Variants in SCARB2 observed in about 807,000 individuals in gnomAD.
The protein encoded by SCARB2 is lysosome membrane protein 2.
A neutral mutation model predicts 58.6 loss-of-function variants in SCARB2; 29 were observed. The observed-to-expected ratio is 0.49, with a 90% CI of 0.37 to 0.67. The LOEUF (loss-of-function observed/expected upper bound fraction) is 0.67, where lower values mean the gene tolerates loss of function less well. SCARB2 is among the 30% of genes least tolerant of loss of function. SCARB2 has a pLI of 0.00. For synonymous variants in SCARB2, 195 were observed against 210.1 expected, an observed-to-expected ratio of 0.93 and a Z score of 0.62; for missense variants, 488 against 578.5, an observed-to-expected ratio of 0.84 and a Z score of 1.60.
rs1361016454 is a variant in SCARB2, at chr4:76,159,894, CA to C, written c.*1818del. 1 of 152,160 alleles carries C rather than the reference CA, an allele frequency of 6.6e-6. No individual in the cohort carries two copies. Among genetic ancestry groups the C allele is most frequent in the Non-Finnish European group, 1.5e-5 (1 of 68,028 alleles). The allele number at this position is 152,160 out of a possible 1,614,324, so 9.4% of individuals were successfully genotyped here. A position where few individuals can be genotyped will look rare whatever the true frequency, so the allele number is the denominator to read the frequency against. On this transcript the variant is annotated 3_prime_UTR_variant, in exon 12 of 12. Coordinates refer to ENST00000264896, the MANE Select transcript of SCARB2 (RefSeq NM_005506.4). ...GACTAAACCAATAAGTATGCACTAG[CA>C]TTGTCAATTTTATTAGTATGGATAA...
intron 4 of SCARB2, 97 bp downstream of exon 4, chr4:76,179,420 G>T: frequency 2.2e-6 from 2 of 909,146 alleles, no homozygotes; most frequent in Non-Finnish European, 3.6e-6. Context: ...CTTAACTCTA[G>T]GCAATTTCTA....
chr4:76,173,625 A>G (rs1221485854), intron 7 of SCARB2: 1 of 164,042 alleles, frequency 6.1e-6, no homozygotes, highest in African/African-American at 2.4e-5. Context: ...AGCATGAGCC[A>G]CCGTGCCCAG....
At chr4:76,234,506 C>G (rs1733550311) in exon 1 of SCARB2, 1 of 152,264 alleles carries the variant, frequency 6.6e-6, no homozygotes, top group Admixed American at 6.5e-5. Flanking sequence ...TAGAATGCTT[C>G]CTGCTTTACG....
At chr4:76,231,069 C>T (rs1733485034) in intron 1 of SCARB2, among the ~76,000 whole-genome samples, 1 of 151,880 alleles carries the variant, frequency 6.6e-6, no homozygotes, top group Non-Finnish European at 1.5e-5. Flanking sequence ...CATGGACTCC[C>T]TATCATAAGC....
chr4:76,188,592 T>C (rs1391541088), intron 2 of SCARB2, among the ~76,000 whole-genome samples: 1 of 152,194 alleles, frequency 6.6e-6, no homozygotes, highest in Admixed American at 6.5e-5. Context: ...TGCCCTCCCC[T>C]TCCTTTGCCC....
intron 1 of SCARB2, among the ~76,000 whole-genome samples, chr4:76,229,980 G>A (rs1342773528): frequency 1.3e-5 from 2 of 152,160 alleles, no homozygotes; most frequent in Non-Finnish European, 2.9e-5. Flanking sequence ...CCAGGAGGTG[G>A]TGCTTTCAAG....
rs549188324 is a variant in SCARB2 at position 76,213,675 on chromosome 4, G to C, written c.-132C>G. On this transcript the variant is annotated 5_prime_UTR_variant, in exon 1 of 12. Transcript: ENST00000264896. Reference sequence around the variant, plus strand: ...CACGCCCACGCCCTCCCGGCGCACGGTTCGTGCGCGCAGCTCTGGGCTCCG... The same window carrying C: ...CACGCCCACGCCCTCCCGGCGCACGCTTCGTGCGCGCAGCTCTGGGCTCCG... 2.4e-4 allele frequency: 169 copies of C among 697,956 alleles called. No homozygotes were observed. Among genetic ancestry groups the C allele is most frequent in the African/African-American group, 1.1e-3 (60 of 55,850 alleles). 43.2% of individuals were successfully genotyped at this position (697,956 alleles called of 1,614,324 possible).
At chr4:76,206,088 T>C (rs1411978766) in intron 1 of SCARB2, among the ~76,000 whole-genome samples, 1 of 152,120 alleles carries the variant, frequency 6.6e-6, no homozygotes, top group African/African-American at 2.4e-5. Flanking sequence ...CGAATGGGAT[T>C]AGTTCTCATA....
At chr4:76,168,509 G>A (rs1453945529) in intron 8 of SCARB2, 33 bp from the exon 9 acceptor site, 2 of 1,589,072 alleles carry the variant, frequency 1.3e-6, no homozygotes, top group East Asian at 2.2e-5. Context: ...GGAAACATTA[G>A]GATTTATTAA....
chr4:76,221,282 T>C (rs1733302767), intron 1 of SCARB2, among the ~76,000 whole-genome samples: 1 of 152,170 alleles, frequency 6.6e-6, no homozygotes, highest in Non-Finnish European at 1.5e-5. Context: ...GGGGAGTTTT[T>C]CTTTTCCCCA....
Position 76,206,129 on chromosome 4 carries a change from T to C in SCARB2, c.117+7298A>G, listed in dbSNP as rs565235478. Among the ~76,000 whole-genome samples, 156 of 152,260 alleles carry C rather than the reference T, an allele frequency of 1.0e-3. 1 individual carries two copies. The highest frequency in any genetic ancestry group is 2.5e-3 in the South Asian group (12 of 4,828). ...TACCCCAGAGAGCTCATTTGCCATGTGAGGTTAGAGTGAGAAGACCATAAT... is the reference window on the plus strand; with the variant it reads ...TACCCCAGAGAGCTCATTTGCCATGCGAGGTTAGAGTGAGAAGACCATAAT... On this transcript the variant is annotated intron_variant, in intron 1 of 11. Transcript: ENST00000264896.
chr4:76,175,120 G>T (rs1457770428), intron 6 of SCARB2: 1 of 152,478 alleles, frequency 6.6e-6, no homozygotes, highest in Non-Finnish European at 1.5e-5. Context: ...CACCCCTACA[G>T]CATTTTTTAA....
chr4:76,174,361 A>C, intron 6 of SCARB2, 48 bp from the exon 7 acceptor site: 1 of 1,584,452 alleles, frequency 6.3e-7, no homozygotes, highest in Non-Finnish European at 8.7e-7. Flanking sequence ...TGGTCAGTGT[A>C]ATCTGCCCGA....
In SCARB2 at chr4:76,176,482, T is replaced by C; in HGVS notation, c.659A>G (p.Asp220Gly). 1 of 1,612,712 alleles carries C rather than the reference T, an allele frequency of 6.2e-7. No homozygotes were observed. Among genetic ancestry groups the C allele is most frequent in the Non-Finnish European group, 8.5e-7 (1 of 1,179,256 alleles). The change falls in exon 5 of 12, where the codon GAC (aspartate) becomes GGC (glycine). Residue 220 changes from aspartate (D) to glycine (G), a missense_variant. By Grantham distance (94) the Asp-to-Gly change is moderately conservative. Transcript: ENST00000264896. The part of the protein sequence containing the change: ...DGDYVFLTGE[D>G]SYLNFTKIVE... ...AATTTTTGTAAAGTTAAGGTAACTG[T>C]CTTCTCCAGTTAGAAAAACATAGTC...
At chr4:76,185,681 T>A (rs1732469927) in intron 2 of SCARB2, among the ~76,000 whole-genome samples, 1 of 152,226 alleles carries the variant, frequency 6.6e-6, no homozygotes. Context: ...TCCTCAGAGG[T>A]GTTTGATAAA....
At chr4:76,214,929 G>A (rs920564789), upstream of SCARB2, among the ~76,000 whole-genome samples, 2 of 152,188 alleles carry the variant, frequency 1.3e-5, no homozygotes, top group African/African-American at 4.8e-5. Context: ...AGGAAGGAAG[G>A]TTGGGTGGAA....
intron 9 of SCARB2, among the ~76,000 whole-genome samples, chr4:76,167,409 T>C (rs950532249): frequency 1.6e-4 from 24 of 152,268 alleles, no homozygotes; most frequent in African/African-American, 5.1e-4. Context: ...GGTGCTGTCC[T>C]TGTGATAGTG....
intron 1 of SCARB2, among the ~76,000 whole-genome samples, chr4:76,231,035 C>G (rs745799527): frequency 6.6e-6 from 1 of 152,100 alleles, no homozygotes; most frequent in African/African-American, 2.4e-5. Flanking sequence ...GAGTTTGGAA[C>G]AAAAATGTGT....
chr4:76,176,585 G>A lies in SCARB2; in HGVS notation c.613-57C>T, dbSNP rs548437806. ...AACTGTGATAATTTTATGACAACTT[G>A]GCTAGACTATGGTGCCCAGTTGTTT... On this transcript the variant is annotated intron_variant, in intron 4 of 11. Transcript: ENST00000264896. 2.0e-5 allele frequency: 25 copies of A among 1,251,030 alleles called. No homozygotes were observed. The South Asian group carries it at 3.0e-4, about 15-fold the overall frequency. The allele number at this position is 1,251,030 out of a possible 1,614,324, so 77.5% of individuals were successfully genotyped here.
Sources: allele counts gnomAD v4.1 joint callset (sites outside exome capture counted in the v4.1 genomes callset), GRCh38; gene constraint gnomAD v4.1.1; transcripts MANE v1.5; gene names NCBI Gene and HGNC (gene_info 2026-07-23, HGNC 2026-07-21).